The following LOC400499 variants were observed in gnomAD, a reference collection of about 807,000 sequenced individuals.
the LOC400499 span, among the ~76,000 whole-genome samples, chr16:11,402,795 A>G: frequency 6.6e-6 from 1 of 152,130 alleles, no homozygotes; most frequent in African/African-American, 2.4e-5. Flanking sequence ...CGCTTGCTTT[A>G]TGCCGCTGAG....
the LOC400499 span, among the ~76,000 whole-genome samples, chr16:11,455,774 A>G: frequency 6.6e-6 from 1 of 151,674 alleles, no homozygotes; most frequent in African/African-American, 2.4e-5. Context: ...AGAAACAAAC[A>G]AACAACATAG....
chr16:11,382,949 T>A, the LOC400499 span, among the ~76,000 whole-genome samples: 17 of 148,982 alleles, frequency 1.1e-4, no homozygotes, highest in South Asian at 1.9e-3. Context: ...AATGAGATAA[T>A]TGGCTCACAG....
the LOC400499 span, among the ~76,000 whole-genome samples, chr16:11,372,903 C>T: frequency 5.3e-5 from 8 of 152,340 alleles, no homozygotes; most frequent in African/African-American, 7.2e-5. Flanking sequence ...GTAAGAGCAG[C>T]GGGCATGGGT....
At chr16:11,526,086 A>G in the LOC400499 span, among the ~76,000 whole-genome samples, 1 of 152,246 alleles carries the variant, frequency 6.6e-6, no homozygotes, top group Non-Finnish European at 1.5e-5. Flanking sequence ...ATAGCATGCC[A>G]GACAGTGTTC....
the LOC400499 span, chr16:11,402,409 G>C: frequency 2.7e-6 from 1 of 371,898 alleles, no homozygotes; most frequent in Admixed American, 4.6e-5. Context: ...GCTCCTCCAA[G>C]AGGTGGCGTC....
the LOC400499 span, among the ~76,000 whole-genome samples, chr16:11,463,075 G>A: frequency 3.3e-5 from 5 of 152,200 alleles, no homozygotes; most frequent in Non-Finnish European, 7.3e-5. Context: ...GAAGGCCAGC[G>A]AGGCCAGAAC....
the LOC400499 span, among the ~76,000 whole-genome samples, chr16:11,499,696 G>C: frequency 0.042 from 6,339 of 152,190 alleles, 275 homozygotes; most frequent in African/African-American, 0.12. Flanking sequence ...ACCAATGCAG[G>C]GGTCTCTGAT....
At chr16:11,408,516 G>A in the LOC400499 span, among the ~76,000 whole-genome samples, 5 of 146,954 alleles carry the variant, frequency 3.4e-5, no homozygotes, top group African/African-American at 1.3e-4. Flanking sequence ...AGGCTAGAGT[G>A]TGCAGTGGTG....
the LOC400499 span, among the ~76,000 whole-genome samples, chr16:11,518,459 G>A: frequency 1.3e-4 from 20 of 152,158 alleles, no homozygotes; most frequent in Non-Finnish European, 2.5e-4. Context: ...CAGAGTCGGG[G>A]AGGGGAAAAG....
At chr16:11,461,376 C>T in the LOC400499 span, among the ~76,000 whole-genome samples, 1 of 152,180 alleles carries the variant, frequency 6.6e-6, no homozygotes, top group African/African-American at 2.4e-5. Flanking sequence ...TGTGCCACCA[C>T]ACTTGGCTAA....
chr16:11,390,072 C>T, the LOC400499 span: 9 of 1,214,748 alleles, frequency 7.4e-6, no homozygotes, highest in East Asian at 6.3e-5. Flanking sequence ...GTGGCAGGCA[C>T]GCAGGATGCG....
At chr16:11,462,609 G>T in the LOC400499 span, among the ~76,000 whole-genome samples, 1 of 152,070 alleles carries the variant, frequency 6.6e-6, no homozygotes, top group Admixed American at 6.5e-5. Context: ...TTTTAGTAGA[G>T]ATGGAGTTTC....
chr16:11,442,441 T>G, the LOC400499 span: 1 of 152,218 alleles, frequency 6.6e-6, no homozygotes, highest in Admixed American at 6.5e-5. Flanking sequence ...CAGGCTGGTC[T>G]CGAACTCCTG....
chr16:11,399,498 G>C, the LOC400499 span: 11 of 398,698 alleles, frequency 2.8e-5, no homozygotes, highest in Non-Finnish European at 4.4e-5. Context: ...TGCCGCATGC[G>C]GTGCTGGCCC....
At chr16:11,516,460 T>C in the LOC400499 span, among the ~76,000 whole-genome samples, 1 of 152,112 alleles carries the variant, frequency 6.6e-6, no homozygotes, top group East Asian at 1.9e-4. Context: ...ATAGCCTTTG[T>C]TCCCTCTGCA....
chr16:11,503,857 C>G, the LOC400499 span, among the ~76,000 whole-genome samples: 4 of 152,244 alleles, frequency 2.6e-5, no homozygotes, highest in African/African-American at 7.2e-5. Context: ...GCCCTGACCA[C>G]TGGTAGCCTA....
chr16:11,375,843 C>T, the LOC400499 span, among the ~76,000 whole-genome samples: 4,228 of 151,678 alleles, frequency 0.028, 80 homozygotes, highest in Non-Finnish European at 0.043. Flanking sequence ...AATTCTCCTG[C>T]CTCAGCCTCC....
the LOC400499 span, chr16:11,393,601 C>T: frequency 4.9e-6 from 6 of 1,229,792 alleles, no homozygotes; most frequent in South Asian, 2.1e-4. Context: ...GCCTGGCCCA[C>T]CTGTCCCTGG....
the LOC400499 span, among the ~76,000 whole-genome samples, chr16:11,489,595 A>G: frequency 6.6e-6 from 1 of 152,094 alleles, no homozygotes; most frequent in South Asian, 2.1e-4. Context: ...GGAACAATCT[A>G]TCACAGAATA....
Sources: gnomAD v4.1 joint callset for allele counts (sites outside exome capture counted in the v4.1 genomes callset) on GRCh38, gnomAD v4.1.1 for gene constraint, MANE v1.5 for transcripts.